ITGA6: variants seen among roughly 807,000 people sequenced by gnomAD.
ITGA6 encodes integrin subunit alpha 6, also known as integrin alpha-6.
ITGA6 carries 63 observed loss-of-function variants against 133.6 expected under a neutral mutation model. The ratio of observed to expected loss-of-function variants is 0.47; its 90% CI spans 0.38 to 0.58. The LOEUF is 0.58. ITGA6 is among the 20% of genes least tolerant of loss of function. The pLI, the probability that ITGA6 is intolerant of heterozygous loss-of-function variation, is 0.00. For missense variants in ITGA6, 1,068 were observed against 1,309.4 expected, an observed-to-expected ratio of 0.82 and a Z score of 2.85; for synonymous variants, 434 against 482.0, an observed-to-expected ratio of 0.90 and a Z score of 1.30.
At chr2:172,502,370 T>C (rs1687386122) in intron 25 of ITGA6, among the ~76,000 whole-genome samples, 1 of 152,224 alleles carries the variant, frequency 6.6e-6, no homozygotes, top group East Asian at 1.9e-4. Context: ...ATGTTGTGTT[T>C]CTCTTGGTGA....
chr2:172,445,828 G>A (rs771175407), intron 1 of ITGA6, among the ~76,000 whole-genome samples: 18 of 152,264 alleles, frequency 1.2e-4, no homozygotes, highest in Non-Finnish European at 1.9e-4. Context: ...TCAAGGTGGT[G>A]GCACCTACAT....
chr2:172,433,258 C>T (rs140085731), intron 1 of ITGA6, among the ~76,000 whole-genome samples: 2 of 152,280 alleles, frequency 1.3e-5, no homozygotes, highest in South Asian at 2.1e-4. Flanking sequence ...ACTACTTGGG[C>T]AACCTTTTAT....
At chr2:172,442,698 C>T (rs1191806739) in intron 1 of ITGA6, among the ~76,000 whole-genome samples, 1 of 152,182 alleles carries the variant, frequency 6.6e-6, no homozygotes, top group Admixed American at 6.5e-5. Flanking sequence ...CAGCACAGTG[C>T]CTGGCGCACA....
Position 172,505,862 on chromosome 2 carries a change from T to C in ITGA6, c.*1794T>C, listed in dbSNP as rs1687539356. 1 of 152,612 alleles carries C rather than the reference T, an allele frequency of 6.6e-6. No individual in the cohort carries two copies. Among genetic ancestry groups the C allele is most frequent in the African/African-American group, 2.4e-5 (1 of 41,444 alleles). The allele number at this position is 152,612 out of a possible 1,614,324, so 9.5% of individuals were successfully genotyped here. On this transcript the variant is annotated 3_prime_UTR_variant, in exon 26 of 26. Coordinates refer to ENST00000684293, the MANE Select transcript of ITGA6 (RefSeq NM_000210.4). The stretch of plus-strand genomic sequence containing the variant: ...AAACAGGTTATAACAGTGTTTAAAG[T>C]CTCAGTTTCTTGCTTGGGGAACTTG...
upstream of ITGA6, chr2:172,427,531 G>T: frequency 8.6e-7 from 1 of 1,156,196 alleles, no homozygotes; most frequent in East Asian, 4.4e-5. Context: ...GGGTGGGGAG[G>T]GGCGGGGCCG....
chr2:172,445,030 CT>C (rs1684702001), intron 1 of ITGA6, among the ~76,000 whole-genome samples: 1 of 151,938 alleles, frequency 6.6e-6, no homozygotes, highest in Non-Finnish European at 1.5e-5. Flanking sequence ...CAGTGGCGGG[CT>C]CTTGGCTTAC....
intron 1 of ITGA6, among the ~76,000 whole-genome samples, chr2:172,429,760 G>T (rs1184149035): frequency 6.6e-6 from 1 of 152,180 alleles, no homozygotes; most frequent in Non-Finnish European, 1.5e-5. Flanking sequence ...GAGGGGAGAG[G>T]CCCCGTATAA....
At chr2:172,456,162 G>A (rs1685199015) in intron 1 of ITGA6, among the ~76,000 whole-genome samples, 1 of 152,210 alleles carries the variant, frequency 6.6e-6, no homozygotes, top group South Asian at 2.1e-4. Context: ...GCAGCCAGAG[G>A]AGAGACAGTA....
intron 5 of ITGA6, chr2:172,472,789 C>T: frequency 4.3e-6 from 7 of 1,611,498 alleles, no homozygotes; most frequent in Non-Finnish European, 5.9e-6. Flanking sequence ...CTGTTTTTGA[C>T]CAGCGTTTCC....
intron 7 of ITGA6, 133 bp downstream of exon 7, chr2:172,475,255 G>T: frequency 1.4e-6 from 1 of 707,208 alleles, no homozygotes; most frequent in South Asian, 1.5e-5. Context: ...ATCACCTGAG[G>T]TCGGGAGTTC....
In ITGA6 at chr2:172,479,685, C is replaced by T; in HGVS notation, c.1433C>T (p.Pro478Leu). The T allele has an allele frequency of 6.2e-7, 1 of 1,613,964 alleles. No homozygotes were observed. The highest frequency in any genetic ancestry group is 8.5e-7 in the Non-Finnish European group (1 of 1,179,992). Reference sequence around the variant, plus strand: ...ATTCAGAAAACCATCACAGTAACTCCTAACAGAATTGACCTCCGCCAGAAA... The same window carrying T: ...ATTCAGAAAACCATCACAGTAACTCTTAACAGAATTGACCTCCGCCAGAAA... ...INIQKTITVTPNRIDLRQKTA... is the reference protein window; with the variant it reads ...INIQKTITVTLNRIDLRQKTA... The change falls in exon 10 of 26, where the codon CCT (proline) becomes CTT (leucine). Residue 478 changes from proline (P) to leucine (L), a missense_variant. By Grantham distance (98) the Pro-to-Leu change is moderately conservative. Around this residue, in one of 3 missense-constraint regions of ITGA6, gnomAD observed 609 missense variants for 707.2 expected, o/e 0.86. Coordinates refer to ENST00000684293, the MANE Select transcript of ITGA6 (RefSeq NM_000210.4).
chr2:172,459,924 A>G (rs897810368), intron 1 of ITGA6, among the ~76,000 whole-genome samples: 1 of 152,228 alleles, frequency 6.6e-6, no homozygotes, highest in African/African-American at 2.4e-5. Context: ...TAACGCGGGT[A>G]TGGCTTGGGA....
intron 3 of ITGA6, chr2:172,468,872 T>C: frequency 2.2e-6 from 1 of 448,316 alleles, no homozygotes; most frequent in East Asian, 4.0e-5. Flanking sequence ...ATACAGATTG[T>C]CATTCAATTT....
chr2:172,492,230 A>G (rs1370030476), intron 23 of ITGA6, among the ~76,000 whole-genome samples: 1 of 152,106 alleles, frequency 6.6e-6, no homozygotes, highest in Admixed American at 6.5e-5. Flanking sequence ...CTTCTGTCAG[A>G]CCTGCCTAAA....
chr2:172,465,435 A>ACTC (rs1685615608), intron 1 of ITGA6, 104 bp from the exon 2 acceptor site: 5 of 1,329,070 alleles, frequency 3.8e-6, no homozygotes, highest in Non-Finnish European at 5.4e-6. Flanking sequence ...GAATTAGTGG[A>ACTC]CTCCTAGACA....
chr2:172,472,620 C>T (rs550046832), intron 5 of ITGA6, among the ~76,000 whole-genome samples: 10 of 152,304 alleles, frequency 6.6e-5, no homozygotes, highest in African/African-American at 1.2e-4. Flanking sequence ...GGGAACAAAA[C>T]GATCTGCTTG....
chr2:172,465,516 A>G (rs1559133088), intron 1 of ITGA6, 23 bp from the exon 2 acceptor site: 2 of 1,613,902 alleles, frequency 1.2e-6, no homozygotes, highest in East Asian at 2.2e-5. Context: ...CAAATCTCCA[A>G]ATTGTCTCTG....
chr2:172,427,891 C>A lies in ITGA6; in HGVS notation c.103C>A (p.Arg35=). The A allele has an allele frequency of 6.2e-7, 1 of 1,607,362 alleles. No individual in the cohort carries two copies. Among genetic ancestry groups the A allele is most frequent in the Non-Finnish European group, 8.5e-7 (1 of 1,177,270 alleles). The change falls in exon 1 of 26, where the codon CGG becomes AGG. Residue 35 remains arginine, a synonymous_variant. Transcript: ENST00000684293. ...NLDTREDNVI[R]KYGDPGSLFG... ...GGACACTCGGGAGGACAACGTGATC[C>A]GGAAATATGGAGACCCCGGGAGCCT...
intron 1 of ITGA6, among the ~76,000 whole-genome samples, chr2:172,441,640 A>G (rs1428091281): frequency 6.6e-6 from 1 of 151,016 alleles, no homozygotes; most frequent in African/African-American, 2.4e-5. Context: ...TCTGTGAACG[A>G]GAGTAGACAC....
Sources: gnomAD v4.1 joint callset for allele counts (sites outside exome capture counted in the v4.1 genomes callset) on GRCh38, gnomAD v4.1.1 for gene constraint, gnomAD v4.1.1 regional missense constraint, MANE v1.5 for transcripts, NCBI Gene and HGNC (gene_info 2026-07-23, HGNC 2026-07-21) for gene names.